Variants in RPL28 observed in about 807,000 individuals in gnomAD.
RPL28 encodes the protein large ribosomal subunit protein eL28.
In RPL28, 4 loss-of-function variants were observed where a neutral mutation model predicts 12.5. The ratio of observed to expected loss-of-function variants is 0.32; its 90% CI spans 0.16 to 0.73. The LOEUF (loss-of-function observed/expected upper bound fraction) is 0.73, where lower values mean the gene tolerates loss of function less well. Ranked by LOEUF, RPL28 falls within the 30% of genes least tolerant of loss-of-function variation. The probability of loss-of-function intolerance (pLI) is 0.66; values close to 1 mark genes in which losing one functional copy is unlikely to be tolerated. For synonymous variants in RPL28, 91 were observed against 72.5 expected, an observed-to-expected ratio of 1.26 and a Z score of -1.30; for missense variants, 214 against 197.7, an observed-to-expected ratio of 1.08 and a Z score of -0.49.
downstream of RPL28, among the ~76,000 whole-genome samples, chr19:55,394,953 A>T (rs1019454346): frequency 6.6e-6 from 1 of 152,194 alleles, no homozygotes; most frequent in Admixed American, 6.5e-5. Flanking sequence ...AGTGTAAATG[A>T]TATGCCAACA....
chr19:55,386,980 A>AT (rs2082557072), intron 3 of RPL28: 30 of 1,443,630 alleles, frequency 2.1e-5, no homozygotes, highest in Non-Finnish European at 2.7e-5. Context: ...TTCAGATGAA[A>AT]TTCTCAAAGC....
In RPL28 at chr19:55,391,910, C is replaced by A; in HGVS notation, c.*3578C>A. The A allele has an allele frequency of 7.6e-7, 1 of 1,318,784 alleles. No individual in the cohort carries two copies. Among genetic ancestry groups the A allele is most frequent in the Non-Finnish European group, 9.7e-7 (1 of 1,029,424 alleles). The allele number at this position is 1,318,784 out of a possible 1,614,324, so 81.7% of individuals were successfully genotyped here. A position where few individuals can be genotyped will look rare whatever the true frequency, so the allele number is the denominator to read the frequency against. On this transcript the variant is annotated 3_prime_UTR_variant, in exon 5 of 5. Transcript: ENST00000344063. ...GCAGTAATGCCTGGTGGCTCCAGGT[C>A]TGCCCCGCCGTCCTGTGGGGCTGTG...
At chr19:55,401,076 G>C in intron 4 of RPL28, 1 of 270,946 alleles carries the variant, frequency 3.7e-6, no homozygotes, top group Non-Finnish European at 7.0e-6. Context: ...TTGGAAATCT[G>C]ACTCCAAAGA....
intron 4 of RPL28, chr19:55,401,561 G>T: frequency 6.2e-7 from 1 of 1,610,316 alleles, no homozygotes; most frequent in Non-Finnish European, 8.5e-7. Context: ...GGGGCCCCAG[G>T]GTCGGTGGAG....
Position 55,390,897 on chromosome 19 carries a change from T to G in RPL28, c.*2565T>G. On this transcript the variant is annotated 3_prime_UTR_variant, in exon 5 of 5. Transcript: ENST00000344063. ...GACCTCATCTTGGAGAGAGAGATGT[T>G]GGATGGGGCCATCTATTCCAGCTTT... The G allele has an allele frequency of 1.0e-6, 1 of 985,464 alleles. No homozygotes were observed. Among genetic ancestry groups the G allele is most frequent in the Non-Finnish European group, 1.2e-6 (1 of 829,936 alleles). 61.0% of individuals were successfully genotyped at this position (985,464 alleles called of 1,614,324 possible).
rs1161439899 is a variant in RPL28 at position 55,386,587 on chromosome 19, G to C, written c.99G>C (p.Lys33Asn). 6.2e-7 allele frequency: 1 copy of C among 1,608,382 alleles called. No homozygotes were observed. Residue 33 changes from lysine to asparagine, a missense_variant, in exon 3 of 5, where the codon AAG becomes AAC. Transcript: ENST00000344063. The part of the protein sequence containing the change: ...QTYSTEPNNL[K>N]ARNSFRYNGL... ...CTTCCCAGGAGCCCAATAACTTGAA[G>C]GCCCGCAATTCCTTCCGCTACAACG...
In RPL28 at chr19:55,386,607, A is replaced by G; in HGVS notation, c.119A>G (p.Tyr40Cys). ...TTGAAGGCCCGCAATTCCTTCCGCTACAACGGACTGATTCACCGCAAGACT... is the reference window on the plus strand; with the variant it reads ...TTGAAGGCCCGCAATTCCTTCCGCTGCAACGGACTGATTCACCGCAAGACT... ...NNLKARNSFR[Y>C]NGLIHRKTVG... is the part of the protein sequence containing the mutation. Residue 40 changes from tyrosine (Y) to cysteine (C), a missense_variant, in exon 3 of 5, where the codon TAC becomes TGC. Tyr to Cys is a radical substitution (Grantham distance 194). Transcript: ENST00000344063. 6.2e-7 allele frequency: 1 copy of G among 1,613,334 alleles called. No individual in the cohort carries two copies. Among genetic ancestry groups the G allele is most frequent in the Non-Finnish European group, 8.5e-7 (1 of 1,179,388 alleles).
At chr19:55,403,060 C>A in exon 5 of RPL28, 1 of 1,372,122 alleles carries the variant, frequency 7.3e-7, no homozygotes, top group Non-Finnish European at 1.0e-6. Context: ...GGAGCCATCT[C>A]GTACGCTGCA....
At chr19:55,386,242 C>T in intron 1 of RPL28, 108 bp from the exon 2 acceptor site, 1 of 1,028,952 alleles carries the variant, frequency 9.7e-7, no homozygotes, top group Non-Finnish European at 1.5e-6. Context: ...CTCCCATTCA[C>T]CCAAGTTCCC....
chr19:55,387,160 C>T (rs913477080), intron 3 of RPL28: 1 of 1,292,648 alleles, frequency 7.7e-7, no homozygotes, highest in Non-Finnish European at 1.1e-6. Context: ...GACCCCACTC[C>T]ATACATTGTG....
At chr19:55,392,726 T>C (rs2089999419), downstream of RPL28, among the ~76,000 whole-genome samples, 1 of 151,966 alleles carries the variant, frequency 6.6e-6, no homozygotes, top group Non-Finnish European at 1.5e-5. Flanking sequence ...AGACGGGGTT[T>C]CACCGTGTTA....
Position 55,391,439 on chromosome 19 carries a change from G to A in RPL28, c.*3107G>A. On this transcript the variant is annotated 3_prime_UTR_variant, in exon 5 of 5. Transcript: ENST00000344063. ...TCTTAGTCCAGTAGCTGCATGGTGAGTGAGCGTAGGGCGCACCCTGGAAGG... is the reference window on the plus strand; with the variant it reads ...TCTTAGTCCAGTAGCTGCATGGTGAATGAGCGTAGGGCGCACCCTGGAAGG... 8.3e-6 allele frequency: 11 copies of A among 1,321,288 alleles called. No individual in the cohort carries two copies. The highest frequency in any genetic ancestry group is 1.1e-5 in the Non-Finnish European group (11 of 1,029,250). The allele number at this position is 1,321,288 out of a possible 1,614,324, so 81.8% of individuals were successfully genotyped here.
chr19:55,392,640 C>T (rs914564663), downstream of RPL28, among the ~76,000 whole-genome samples: 3 of 152,114 alleles, frequency 2.0e-5, no homozygotes, highest in African/African-American at 7.2e-5. Context: ...CATTCTCCTG[C>T]CCCAGCCTCC....
chr19:55,403,306 G>A (rs1600320139), downstream of RPL28: 1 of 563,168 alleles, frequency 1.8e-6, no homozygotes, highest in East Asian at 2.9e-5. Context: ...CCTCTAATGA[G>A]ACCCCATCTC....
chr19:55,399,032 G>A (rs1198758257), intron 4 of RPL28, among the ~76,000 whole-genome samples: 1 of 152,110 alleles, frequency 6.6e-6, no homozygotes, highest in East Asian at 1.9e-4. Flanking sequence ...CTCTCACCCA[G>A]GCTGGAGTGC....
At position 55,388,076 on chromosome 19, in the gene RPL28, G is replaced by T. The variant is rs565435617; in HGVS notation, c.324+28G>T. ...GAGCTGGGGTTTGGGGATCAGGCTT[G>T]GGGAGACTGGCCAGTGCTGTGGGGA... On this transcript the variant is annotated intron_variant, in intron 4 of 4. Coordinates refer to ENST00000344063, the MANE Select transcript of RPL28 (RefSeq NM_000991.5). 8.1e-6 allele frequency: 13 copies of T among 1,613,078 alleles called. No individual in the cohort carries two copies. The South Asian group carries it at 1.4e-4, about 18-fold the overall frequency.
chr19:55,387,047 AG>A, intron 3 of RPL28: 1 of 1,441,506 alleles, frequency 6.9e-7, no homozygotes, highest in South Asian at 1.5e-5. Context: ...GAGGCACAAC[AG>A]GGGAGGGGCC....
chr19:55,387,177 G>A, intron 3 of RPL28: 1 of 1,321,130 alleles, frequency 7.6e-7, no homozygotes, highest in Non-Finnish European at 1.1e-6. Flanking sequence ...TGTGCTGTCA[G>A]GTGCAGGCCT....
At chr19:55,387,449 G>T in intron 3 of RPL28, 1 of 1,511,374 alleles carries the variant, frequency 6.6e-7, no homozygotes, top group Non-Finnish European at 8.8e-7. Flanking sequence ...CCGTTCTGGG[G>T]AGTCCTGAAA....
Sources: allele counts gnomAD v4.1 joint callset (sites outside exome capture counted in the v4.1 genomes callset), GRCh38; gene constraint gnomAD v4.1.1; transcripts MANE v1.5; gene names NCBI Gene and HGNC (gene_info 2026-07-23, HGNC 2026-07-21).